TMC1: variants seen among roughly 807,000 people sequenced by gnomAD.
TMC1 encodes the protein transmembrane channel like 1.
A neutral mutation model predicts 105.8 loss-of-function variants in TMC1; 84 were observed. That is an observed-to-expected ratio of 0.79 (90% CI 0.67 to 0.95). The LOEUF (loss-of-function observed/expected upper bound fraction) is 0.95, where lower values mean the gene tolerates loss of function less well. Among genes scored for constraint, TMC1 ranks in the 40% least tolerant of loss-of-function variants. The probability of loss-of-function intolerance (pLI) is 0.00; values close to 1 mark genes in which losing one functional copy is unlikely to be tolerated. For synonymous variants in TMC1, 315 were observed against 311.5 expected (o/e 1.01, Z -0.12); for missense variants, 817 against 914.1 (o/e 0.89, Z 1.37).
At chr9:72,754,729 T>G in intron 11 of TMC1, 57 bp from the exon 12 acceptor site, 2 of 1,346,080 alleles carry the variant, frequency 1.5e-6, no homozygotes, top group Non-Finnish European at 2.1e-6. Context: ...TGTGATCACA[T>G]GTGTGGCTCA....
chr9:72,654,877 G>A (rs1007279107), intron 5 of TMC1, among the ~76,000 whole-genome samples: 1 of 146,360 alleles, frequency 6.8e-6, no homozygotes, highest in South Asian at 2.2e-4. Context: ...GTATTTTTTT[G>A]TAGTACAGAT....
At chr9:72,588,189 G>C (rs184820483) in intron 2 of TMC1, among the ~76,000 whole-genome samples, 1 of 152,084 alleles carries the variant, frequency 6.6e-6, no homozygotes, top group African/African-American at 2.4e-5. Flanking sequence ...GTTGTAGGAT[G>C]GTGTGAGAAT....
At chr9:72,652,087 T>G (rs928187947) in intron 5 of TMC1, among the ~76,000 whole-genome samples, 1 of 152,200 alleles carries the variant, frequency 6.6e-6, no homozygotes, top group Non-Finnish European at 1.5e-5. Context: ...TTTGATTTTT[T>G]GATCATGACC....
chr9:72,567,827 T>C (rs1168288376), intron 1 of TMC1, among the ~76,000 whole-genome samples: 1 of 152,204 alleles, frequency 6.6e-6, no homozygotes, highest in Non-Finnish European at 1.5e-5. Flanking sequence ...TCTTATTTTG[T>C]CTCAGACAAA....
intron 5 of TMC1, among the ~76,000 whole-genome samples, chr9:72,667,054 C>T (rs1029710505): frequency 1.3e-5 from 2 of 151,994 alleles, no homozygotes; most frequent in Non-Finnish European, 1.5e-5. Flanking sequence ...CACTCCAGCC[C>T]GGGTGACAGG....
chr9:72,625,604 C>T (rs888608725), intron 3 of TMC1, among the ~76,000 whole-genome samples: 27 of 150,182 alleles, frequency 1.8e-4, no homozygotes, highest in Non-Finnish European at 1.2e-4. Flanking sequence ...AGGAGAATGG[C>T]GTGAACCCAG....
At chr9:72,561,405 A>T (rs1037183941) in intron 1 of TMC1, among the ~76,000 whole-genome samples, 2 of 151,514 alleles carry the variant, frequency 1.3e-5, no homozygotes, top group African/African-American at 2.4e-5. Context: ...CATATAGTGG[A>T]TGTTCACAGA....
chr9:72,781,606 A>C (rs1332843833), intron 13 of TMC1, among the ~76,000 whole-genome samples: 2 of 152,152 alleles, frequency 1.3e-5, no homozygotes, highest in Non-Finnish European at 2.9e-5. Flanking sequence ...TCAAATAAAC[A>C]CAATCAGAAA....
chr9:72,529,614 G>A (rs765208794), intron 1 of TMC1, among the ~76,000 whole-genome samples: 1 of 151,242 alleles, frequency 6.6e-6, no homozygotes, highest in Non-Finnish European at 1.5e-5. Context: ...GGCTTCATAT[G>A]TTATAAAATA....
intron 12 of TMC1, among the ~76,000 whole-genome samples, chr9:72,766,719 C>T (rs993511184): frequency 4.6e-5 from 7 of 152,188 alleles, no homozygotes; most frequent in African/African-American, 1.4e-4. Flanking sequence ...CTTAACACAA[C>T]TTGATTCCCT....
intron 1 of TMC1, among the ~76,000 whole-genome samples, chr9:72,536,671 T>C (rs1823590995): frequency 6.6e-6 from 1 of 152,166 alleles, no homozygotes; most frequent in Non-Finnish European, 1.5e-5. Flanking sequence ...TTTCCTTTGA[T>C]TCCATATACC....
intron 2 of TMC1, chr9:72,578,243 C>T (rs1204965201): frequency 6.6e-6 from 1 of 151,126 alleles, no homozygotes; most frequent in African/African-American, 2.4e-5. Flanking sequence ...TGTTTCCACC[C>T]TCCTTTGTGC....
chr9:72,766,128 C>T (rs192319834), intron 12 of TMC1, among the ~76,000 whole-genome samples: 1 of 152,152 alleles, frequency 6.6e-6, no homozygotes, highest in East Asian at 1.9e-4. Context: ...AAAGTATTAG[C>T]ACATCTCGGC....
At chr9:72,722,655 TAATTAATATTTTCTGTGTGGGTGAA>T (rs1254043359) in intron 8 of TMC1, among the ~76,000 whole-genome samples, 2 of 152,232 alleles carry the variant, frequency 1.3e-5, no homozygotes, top group African/African-American at 2.4e-5. Flanking sequence ...ATGCAATATT[TAATTAATATTTTCTGTGTGGGTGAA>T]AATGTTAATG....
chr9:72,682,858 C>T (rs1027883456), intron 5 of TMC1, among the ~76,000 whole-genome samples: 1 of 152,158 alleles, frequency 6.6e-6, no homozygotes, highest in African/African-American at 2.4e-5. Context: ...GCTTTCTGCT[C>T]TCCAGCCTCC....
chr9:72,560,570 C>A (rs2132078897), intron 1 of TMC1, among the ~76,000 whole-genome samples: 1 of 152,258 alleles, frequency 6.6e-6, no homozygotes, highest in South Asian at 2.1e-4. Context: ...GCGATCTCAG[C>A]TCACTGCAAC....
At chr9:72,531,990 G>A (rs1823504821) in intron 1 of TMC1, among the ~76,000 whole-genome samples, 1 of 151,938 alleles carries the variant, frequency 6.6e-6, no homozygotes, top group East Asian at 2.0e-4. Context: ...GGAGTGCAGT[G>A]GTGTGATCTT....
intron 1 of TMC1, among the ~76,000 whole-genome samples, chr9:72,565,612 A>G (rs1824137348): frequency 6.6e-6 from 1 of 152,090 alleles, no homozygotes; most frequent in African/African-American, 2.4e-5. Context: ...GTTTTAGTCC[A>G]TTTTCCTACT....
chr9:72,742,742 T>G (rs1827411857), intron 10 of TMC1, among the ~76,000 whole-genome samples: 1 of 152,212 alleles, frequency 6.6e-6, no homozygotes, highest in Admixed American at 6.5e-5. Context: ...GACCCCACTC[T>G]CGTGTTCTAC....
Sources: allele counts gnomAD v4.1 joint callset (sites outside exome capture counted in the v4.1 genomes callset), GRCh38; gene constraint gnomAD v4.1.1; transcripts MANE v1.5; gene names NCBI Gene and HGNC (gene_info 2026-07-23, HGNC 2026-07-21).